The following MCPH1 variants were observed in gnomAD, a reference collection of about 807,000 sequenced individuals.
MCPH1 encodes the protein microcephalin 1.
A neutral mutation model predicts 84.5 loss-of-function variants in MCPH1; 104 were observed. The ratio of observed to expected loss-of-function variants is 1.23; its 90% CI spans 1.05 to 1.45. MCPH1 has a LOEUF of 1.45. Ranked by LOEUF, MCPH1 falls within the 40% of genes most tolerant of loss-of-function variation. The pLI, the probability that MCPH1 is intolerant of heterozygous loss-of-function variation, is 0.00. For synonymous variants in MCPH1, 514 were observed against 366.8 expected (o/e 1.40, Z -4.58); for missense variants, 1,498 against 1,005.7 (o/e 1.49, Z -6.62).
chr8:6,539,827 T>G (rs554425305), intron 12 of MCPH1, among the ~76,000 whole-genome samples: 100 of 152,350 alleles, frequency 6.6e-4, no homozygotes, highest in African/African-American at 2.4e-3. Context: ...CATCAGGCCA[T>G]CTGCCTGCCT....
chr8:6,458,397 G>C (rs994525334), intron 9 of MCPH1, among the ~76,000 whole-genome samples: 2 of 151,358 alleles, frequency 1.3e-5, no homozygotes, highest in African/African-American at 4.9e-5. Context: ...GCATGAACCC[G>C]GGAGGCGGAG....
chr8:6,439,644 G>C (rs7814965), intron 6 of MCPH1, among the ~76,000 whole-genome samples: 10,191 of 151,960 alleles, frequency 0.067, 846 homozygotes, highest in African/African-American at 0.2. Flanking sequence ...TGATACACCC[G>C]CCTCGGCCTC....
chr8:6,617,259 G>A (rs1023763993), intron 12 of MCPH1: 1 of 146,198 alleles, frequency 6.8e-6, no homozygotes, highest in South Asian at 2.1e-4. Context: ...TTTTTGGTGG[G>A]GGGGGGGTGT....
chr8:6,479,980 C>T (rs1348559633), intron 10 of MCPH1, among the ~76,000 whole-genome samples: 3 of 152,014 alleles, frequency 2.0e-5, no homozygotes, highest in African/African-American at 4.8e-5. Flanking sequence ...ATAAATATTA[C>T]ATTTTCAAAA....
In MCPH1 at chr8:6,621,680, A is replaced by T; in HGVS notation, c.2441A>T (p.Lys814Ile). Residue 814 changes from lysine (K) to isoleucine (I), a missense_variant, in exon 13 of 14, where the codon AAA becomes ATA. By Grantham distance (102) the Lys-to-Ile change is moderately radical. Coordinates refer to ENST00000344683, the MANE Select transcript of MCPH1 (RefSeq NM_024596.5). Reference sequence around the variant, plus strand: ...GCCACAGTCAAGTATCTGTCTGAGAAATGGGTCTTAGGTAAGAATCCAGGC... The same window carrying T: ...GCCACAGTCAAGTATCTGTCTGAGATATGGGTCTTAGGTAAGAATCCAGGC... ...KKATVKYLSE[K>I]WVLDSITQHK... 2 of 1,614,172 alleles carry T rather than the reference A, an allele frequency of 1.2e-6. No homozygotes were observed. Among genetic ancestry groups the T allele is most frequent in the Non-Finnish European group, 1.7e-6 (2 of 1,180,042 alleles).
chr8:6,523,374 TA>T (rs1817729044), intron 12 of MCPH1, among the ~76,000 whole-genome samples: 1 of 152,208 alleles, frequency 6.6e-6, no homozygotes, highest in South Asian at 2.1e-4. Flanking sequence ...TTAATGGTTA[TA>T]TAGTTTGCCT....
intron 12 of MCPH1, among the ~76,000 whole-genome samples, chr8:6,527,928 C>G (rs909729130): frequency 3.2e-5 from 4 of 126,964 alleles, no homozygotes; most frequent in East Asian, 2.3e-4. Flanking sequence ...TGGAATCTCG[C>G]TCCATTGCCC....
intron 12 of MCPH1, among the ~76,000 whole-genome samples, chr8:6,525,709 G>A (rs187709696): frequency 1.2e-4 from 19 of 152,270 alleles, no homozygotes; most frequent in Admixed American, 1.2e-3. Flanking sequence ...TCATACACCT[G>A]TAAAATCATC....
In MCPH1 at chr8:6,519,905, T is replaced by C. The variant is rs956790865; in HGVS notation, c.2214+19976T>C. The C allele has an allele frequency of 3.1e-6, 5 of 1,613,756 alleles. No individual in the cohort carries two copies. The African/African-American group carries it at 6.7e-5, about 22-fold the overall frequency. ...GAATTAGGGAATGTTAACGTGTAGATGCCATTCGTGGTGTGTCCTGATTTG... is the reference window on the plus strand; with the variant it reads ...GAATTAGGGAATGTTAACGTGTAGACGCCATTCGTGGTGTGTCCTGATTTG... On this transcript the variant is annotated intron_variant, in intron 12 of 13. Transcript: ENST00000344683.
chr8:6,631,884 ATC>A (rs1797188618), intron 13 of MCPH1, among the ~76,000 whole-genome samples: 1 of 152,244 alleles, frequency 6.6e-6, no homozygotes, highest in Non-Finnish European at 1.5e-5. Flanking sequence ...ATAATTGTAC[ATC>A]CACATTTATA....
intron 12 of MCPH1, among the ~76,000 whole-genome samples, chr8:6,526,934 A>G (rs1244023147): frequency 1.3e-5 from 2 of 152,168 alleles, no homozygotes; most frequent in Non-Finnish European, 2.9e-5. Flanking sequence ...TTAAATATTA[A>G]TATAATCATG....
intron 9 of MCPH1, among the ~76,000 whole-genome samples, chr8:6,466,988 C>T (rs1039230853): frequency 6.6e-6 from 1 of 151,862 alleles, no homozygotes; most frequent in Non-Finnish European, 1.5e-5. Context: ...GATATTAATC[C>T]AGGGTAATTT....
chr8:6,597,719 T>A (rs576819136), intron 12 of MCPH1, among the ~76,000 whole-genome samples: 79 of 152,296 alleles, frequency 5.2e-4, no homozygotes, highest in Non-Finnish European at 9.9e-4. Context: ...AACATTTCCT[T>A]CAACAGAGTC....
At chr8:6,450,176 A>G (rs1209195673) in intron 8 of MCPH1, among the ~76,000 whole-genome samples, 2 of 152,162 alleles carry the variant, frequency 1.3e-5, no homozygotes, top group African/African-American at 2.4e-5. Context: ...CAGTTGTTGG[A>G]GGTCAATGAT....
At chr8:6,509,188 A>T in intron 12 of MCPH1, 1 of 1,224,546 alleles carries the variant, frequency 8.2e-7, no homozygotes, top group Non-Finnish European at 1.1e-6. Flanking sequence ...GGACTAATGC[A>T]TACTCTGGAC....
At chr8:6,450,140 G>C (rs1274898251) in intron 8 of MCPH1, among the ~76,000 whole-genome samples, 1 of 152,164 alleles carries the variant, frequency 6.6e-6, no homozygotes, top group African/African-American at 2.4e-5. Context: ...CCAACTACCA[G>C]GGTCTTGTTC....
intron 13 of MCPH1, among the ~76,000 whole-genome samples, chr8:6,624,087 C>T (rs1336054572): frequency 1.3e-5 from 2 of 152,220 alleles, no homozygotes; most frequent in South Asian, 2.1e-4. Context: ...CACGCTTGCT[C>T]GGCAGCTGCT....
intron 12 of MCPH1, among the ~76,000 whole-genome samples, chr8:6,531,026 C>G (rs1225996294): frequency 1.3e-5 from 2 of 152,022 alleles, no homozygotes; most frequent in South Asian, 4.2e-4. Context: ...CCTTATAGCC[C>G]AGAGTAGGAA....
At chr8:6,580,042 A>G (rs1271463999) in intron 12 of MCPH1, among the ~76,000 whole-genome samples, 1 of 152,198 alleles carries the variant, frequency 6.6e-6, no homozygotes, top group Non-Finnish European at 1.5e-5. Context: ...CTGGGTAGTC[A>G]GCCCAGCTCT....
Sources: allele counts gnomAD v4.1 joint callset (sites outside exome capture counted in the v4.1 genomes callset), GRCh38; gene constraint gnomAD v4.1.1; transcripts MANE v1.5; gene names NCBI Gene and HGNC (gene_info 2026-07-23, HGNC 2026-07-21).